Variants in CHD1 observed in about 807,000 individuals in gnomAD.
The protein encoded by CHD1 is chromodomain helicase DNA binding protein 1, also known as ATP-dependent chromatin remodeler CHD1.
Under a neutral mutation model 224.2 loss-of-function variants are expected in CHD1, and 36 were observed. The ratio of observed to expected loss-of-function variants is 0.16; its 90% confidence interval spans 0.12 to 0.21. CHD1 has a LOEUF of 0.21. Among genes scored for constraint, CHD1 ranks in the 10% least tolerant of loss-of-function variants. CHD1 has a pLI of 1.00. For missense variants in CHD1, 1,378 were observed against 1,994.8 expected, an observed-to-expected ratio of 0.69 and a Z score of 5.89; for synonymous variants, 668 against 658.3, an observed-to-expected ratio of 1.01 and a Z score of -0.23.
At chr5:98,898,813 A>T (rs1751506724) in intron 8 of CHD1, 49 bp from the exon 9 acceptor site, 2 of 997,180 alleles carry the variant, frequency 2.0e-6, no homozygotes, top group Admixed American at 3.5e-5. Flanking sequence ...CCCATAAATA[A>T]CCTTTCACTC....
At chr5:98,917,613 T>C (rs1412406605) in intron 2 of CHD1, among the ~76,000 whole-genome samples, 3 of 152,146 alleles carry the variant, frequency 2.0e-5, no homozygotes, top group African/African-American at 7.2e-5. Flanking sequence ...TTGGAGTCAT[T>C]CTCATTAAGA....
rs778821717 is a variant in CHD1, at chr5:98,872,549, C to T, written c.3578G>A (p.Arg1193Lys). 6.2e-7 allele frequency: 1 copy of T among 1,612,074 alleles called. No homozygotes were observed. The highest frequency in any genetic ancestry group is 8.5e-7 in the Non-Finnish European group (1 of 1,179,452). The change falls in exon 27 of 36, where the codon AGA (arginine) becomes AAA (lysine). Residue 1193 changes from arginine (R) to lysine (K), a missense_variant. By Grantham distance (26) the Arg-to-Lys change is conservative. This residue lies in a region of CHD1 where 286 missense variants were observed against 445.1 expected (regional missense o/e 0.64). Transcript: ENST00000614616. ...TGTTGGACCCTTCACTTTTCCGAGT[C>T]TACCACCTTGATTTTTTTTAAAAAA... ...SSSGTERTGG[R>K]LGKVKGPTFR...
intron 17 of CHD1, 70 bp from the exon 18 acceptor site, chr5:98,885,719 T>C: frequency 1.1e-6 from 1 of 907,424 alleles, no homozygotes; most frequent in Non-Finnish European, 1.8e-6. Flanking sequence ...AAATCAATTA[T>C]AAAATTAAGT....
chr5:98,894,507 T>C (rs1007167851), intron 13 of CHD1, 90 bp downstream of exon 13: 2 of 452,298 alleles, frequency 4.4e-6, no homozygotes, highest in Non-Finnish European at 8.2e-6. Context: ...TGACTCACGA[T>C]TTAGGCTATT....
chr5:98,896,162 C>T (rs1004307925), intron 12 of CHD1, 64 bp downstream of exon 12: 19 of 1,420,852 alleles, frequency 1.3e-5, no homozygotes, highest in Non-Finnish European at 1.9e-5. Context: ...CTCAAAACAA[C>T]AAAAACACTT....
intron 8 of CHD1, 114 bp downstream of exon 8, chr5:98,899,366 A>G: frequency 2.9e-6 from 2 of 699,268 alleles, no homozygotes; most frequent in South Asian, 3.9e-5. Flanking sequence ...CTGTATTATA[A>G]AGTCTATAGC....
intron 20 of CHD1, among the ~76,000 whole-genome samples, chr5:98,881,673 CTAAGT>C (rs1449675518): frequency 6.6e-6 from 1 of 152,054 alleles, no homozygotes; most frequent in Non-Finnish European, 1.5e-5. Context: ...CCATGCCCAG[CTAAGT>C]TTTTTATTTT....
chr5:98,924,946 C>G (rs905716518), intron 2 of CHD1, among the ~76,000 whole-genome samples: 10 of 151,674 alleles, frequency 6.6e-5, no homozygotes, highest in Non-Finnish European at 1.2e-4. Context: ...CCACTGCACT[C>G]CAGCCTGGGC....
chr5:98,872,450 T>C lies in CHD1; in HGVS notation c.3677A>G (p.Lys1226Arg). ...SHEEELIPLH[K>R]SIPSDPEERK... ...TTCTTCTGGATCAGAAGGAATGGAT[T>C]TGTGCAAAGGTATTAATTCTTCTTC... The change falls in exon 27 of 36, where the codon AAA (lysine) becomes AGA (arginine). Residue 1226 changes from lysine (K) to arginine (R), a missense_variant. Lys to Arg is a conservative substitution (Grantham distance 26). This residue lies in a region of CHD1 where 286 missense variants were observed against 445.1 expected (regional missense o/e 0.64). Coordinates refer to ENST00000614616, the MANE Select transcript of CHD1 (RefSeq NM_001270.4). 6.2e-7 allele frequency: 1 copy of C among 1,613,422 alleles called. No individual in the cohort carries two copies. Among genetic ancestry groups the C allele is most frequent in the Non-Finnish European group, 8.5e-7 (1 of 1,179,698 alleles).
chr5:98,858,932 A>AT, intron 34 of CHD1, 32 bp downstream of exon 34: 1 of 1,462,460 alleles, frequency 6.8e-7, no homozygotes, highest in Non-Finnish European at 9.1e-7. Context: ...ATTTTTTTTA[A>AT]TTTATTTTCC....
At chr5:98,885,730 A>G in intron 17 of CHD1, 81 bp from the exon 18 acceptor site, 1 of 829,666 alleles carries the variant, frequency 1.2e-6, no homozygotes, top group Non-Finnish European at 2.0e-6. Flanking sequence ...AAAATTAAGT[A>G]GAAATGTGAA....
chr5:98,872,400 G>A lies in CHD1; in HGVS notation c.3710+17C>T. The A allele has an allele frequency of 6.3e-7, 1 of 1,598,276 alleles. No homozygotes were observed. The highest frequency in any genetic ancestry group is 1.1e-5 in the South Asian group (1 of 87,372). On this transcript the variant is annotated intron_variant, in intron 27 of 35. Transcript: ENST00000614616. ...TGAATAACAAAAATCTTACAATGGA[G>A]AAAATAAATCACTCACTGCTTTCTT...
intron 10 of CHD1, among the ~76,000 whole-genome samples, 195 bp from the exon 11 acceptor site, chr5:98,897,515 A>G (rs1454664539): frequency 6.6e-6 from 1 of 152,142 alleles, no homozygotes; most frequent in African/African-American, 2.4e-5. Flanking sequence ...GAACAGTGAA[A>G]TATTTTGCCT....
chr5:98,891,805 C>G (rs1034500639), intron 15 of CHD1, among the ~76,000 whole-genome samples: 9 of 152,046 alleles, frequency 5.9e-5, no homozygotes, highest in Admixed American at 1.3e-4. Context: ...AGGGAGACTC[C>G]GTCTCAAAAA....
intron 2 of CHD1, among the ~76,000 whole-genome samples, chr5:98,910,755 C>CT (rs959168298): frequency 6.6e-6 from 1 of 152,014 alleles, no homozygotes; most frequent in African/African-American, 2.4e-5. Context: ...GGAGATCATT[C>CT]TGCAGTAGTG....
chr5:98,860,006 T>C lies in CHD1; in HGVS notation c.4490A>G (p.Tyr1497Cys), dbSNP rs749012080. ...CTGCCGTTTTTTAATAGCATGCTTA[T>C]ATAATTTATGTAATTTTCTTGCATC... is the stretch of plus-strand genomic sequence containing the variant. ...EFDARKLHKL[Y>C]KHAIKKRQES... The change falls in exon 33 of 36, where the codon TAT (tyrosine) becomes TGT (cysteine). Residue 1497 changes from tyrosine to cysteine, a missense_variant. Around this residue, in one of 16 missense-constraint regions of CHD1, gnomAD observed 278 missense variants for 298.5 expected, o/e 0.93. Coordinates refer to ENST00000614616, the MANE Select transcript of CHD1 (RefSeq NM_001270.4). The C allele has an allele frequency of 6.4e-7, 1 of 1,554,930 alleles. No individual in the cohort carries two copies. The highest frequency in any genetic ancestry group is 2.3e-5 in the East Asian group (1 of 44,182).
rs1748182790 is a variant in CHD1, at chr5:98,858,174, G to T, written c.4787+6C>A. 1 of 1,610,804 alleles carries T rather than the reference G, an allele frequency of 6.2e-7. No individual in the cohort carries two copies. The highest frequency in any genetic ancestry group is 1.3e-5 in the African/African-American group (1 of 74,902). ...GCAAAATTTCTAAAGTGACTGCCAA[G>T]TTTACCTGCTGTCTTGCTTGTAGTG... On this transcript the variant is annotated splice_donor_region_variant and intron_variant, in intron 35 of 35. Coordinates refer to ENST00000614616, the MANE Select transcript of CHD1 (RefSeq NM_001270.4).
intron 22 of CHD1, among the ~76,000 whole-genome samples, chr5:98,880,271 C>T (rs1216772814): frequency 1.3e-5 from 2 of 152,196 alleles, no homozygotes; most frequent in African/African-American, 4.8e-5. Context: ...GGCGAAGTGG[C>T]TCACGCCTGT....
intron 29 of CHD1, 112 bp from the exon 30 acceptor site, chr5:98,869,994 T>C (rs946736572): frequency 1.5e-5 from 11 of 739,202 alleles, no homozygotes; most frequent in African/African-American, 8.9e-5. Flanking sequence ...CCTTAGTCTA[T>C]TGGTAATAAG....
Sources: gnomAD v4.1 joint callset for allele counts (sites outside exome capture counted in the v4.1 genomes callset) on GRCh38, gnomAD v4.1.1 for gene constraint, gnomAD v4.1.1 regional missense constraint, MANE v1.5 for transcripts, NCBI Gene and HGNC (gene_info 2026-07-23, HGNC 2026-07-21) for gene names.